Variants in UBE2E2 observed in about 807,000 individuals in gnomAD.
The protein encoded by UBE2E2 is ubiquitin conjugating enzyme E2 E2.
UBE2E2 carries 6 observed loss-of-function variants against 24.7 expected under a neutral mutation model. The ratio of observed to expected loss-of-function variants is 0.24; its 90% CI spans 0.13 to 0.48. The LOEUF (loss-of-function observed/expected upper bound fraction) is 0.48. Among genes scored for constraint, UBE2E2 ranks in the 20% least tolerant of loss-of-function variants. UBE2E2 has a pLI of 0.99. For synonymous variants in UBE2E2, 104 were observed against 83.6 expected, an observed-to-expected ratio of 1.24 and a Z score of -1.33; for missense variants, 169 against 245.0, an observed-to-expected ratio of 0.69 and a Z score of 2.07.
chr3:23,500,138 A>G (rs1033195834), intron 4 of UBE2E2, among the ~76,000 whole-genome samples: 1 of 152,208 alleles, frequency 6.6e-6, no homozygotes, highest in Non-Finnish European at 1.5e-5. Context: ...CTAAAGGCAG[A>G]GGAAGCCTTG....
chr3:23,356,992 A>G (rs536404630), intron 3 of UBE2E2, among the ~76,000 whole-genome samples: 26 of 152,332 alleles, frequency 1.7e-4, no homozygotes, highest in African/African-American at 5.5e-4. Context: ...TAGTTTAGCA[A>G]TCCAGACTGC....
chr3:23,437,253 C>T (rs1698205011), intron 3 of UBE2E2, among the ~76,000 whole-genome samples: 1 of 152,186 alleles, frequency 6.6e-6, no homozygotes, highest in African/African-American at 2.4e-5. Flanking sequence ...TTTTTCAGGT[C>T]TCATTGCAAC....
intron 5 of UBE2E2, among the ~76,000 whole-genome samples, chr3:23,544,303 A>G (rs1025991308): frequency 1.3e-5 from 2 of 152,224 alleles, no homozygotes; most frequent in African/African-American, 4.8e-5. Context: ...TTTGCATACT[A>G]TGCATCTGAC....
At chr3:23,223,883 C>T (rs1559445743) in intron 3 of UBE2E2, among the ~76,000 whole-genome samples, 1 of 152,102 alleles carries the variant, frequency 6.6e-6, no homozygotes, top group East Asian at 1.9e-4. Flanking sequence ...GTTTTCCCAG[C>T]ACCATTTATT....
chr3:23,445,266 C>T (rs1280665780), intron 3 of UBE2E2, among the ~76,000 whole-genome samples: 1 of 152,188 alleles, frequency 6.6e-6, no homozygotes, highest in East Asian at 1.9e-4. Context: ...AGACAACACA[C>T]ATGTTGACAT....
At chr3:23,364,710 C>G (rs1696210961) in intron 3 of UBE2E2, among the ~76,000 whole-genome samples, 1 of 152,190 alleles carries the variant, frequency 6.6e-6, no homozygotes, top group Non-Finnish European at 1.5e-5. Context: ...AAAGCTGGTA[C>G]TATTCCTACT....
At chr3:23,347,351 C>T in intron 3 of UBE2E2, among the ~76,000 whole-genome samples, 1 of 152,190 alleles carries the variant, frequency 6.6e-6, no homozygotes, top group East Asian at 1.9e-4. Context: ...GGCACATATA[C>T]ACCACGGAAT....
At chr3:23,490,583 G>A (rs1269741113) in intron 3 of UBE2E2, among the ~76,000 whole-genome samples, 4 of 152,016 alleles carry the variant, frequency 2.6e-5, no homozygotes, top group South Asian at 2.1e-4. Context: ...AAATATACAC[G>A]CACGTAACAC....
intron 3 of UBE2E2, among the ~76,000 whole-genome samples, chr3:23,454,437 C>T (rs932921598): frequency 3.3e-5 from 5 of 152,162 alleles, no homozygotes; most frequent in East Asian, 1.9e-4. Context: ...CATGTCTGAG[C>T]GCTTTCCATC....
chr3:23,357,395 ATGTGTG>A (rs550484561), intron 3 of UBE2E2, among the ~76,000 whole-genome samples: 5 of 150,942 alleles, frequency 3.3e-5, no homozygotes, highest in African/African-American at 1.2e-4. Flanking sequence ...GCCTGGAGAT[ATGTGTG>A]TGTGTGTGTG....
At chr3:23,315,060 T>C (rs1013188079) in intron 3 of UBE2E2, among the ~76,000 whole-genome samples, 2 of 152,214 alleles carry the variant, frequency 1.3e-5, no homozygotes, top group African/African-American at 4.8e-5. Context: ...TCTCTCTCTT[T>C]ACCTCCTCTT....
intron 3 of UBE2E2, among the ~76,000 whole-genome samples, chr3:23,404,453 C>T (rs1381448693): frequency 6.6e-6 from 1 of 152,138 alleles, no homozygotes; most frequent in African/African-American, 2.4e-5. Context: ...TCTTATCATT[C>T]TTTCTCAGAT....
intron 3 of UBE2E2, among the ~76,000 whole-genome samples, chr3:23,240,969 G>A (rs148636712): frequency 6.6e-6 from 1 of 152,110 alleles, no homozygotes; most frequent in African/African-American, 2.4e-5. Flanking sequence ...TTCTTAGGCT[G>A]TCTGTAAAAT....
At chr3:23,436,126 C>T (rs1438388429) in intron 3 of UBE2E2, among the ~76,000 whole-genome samples, 1 of 152,130 alleles carries the variant, frequency 6.6e-6, no homozygotes, top group Non-Finnish European at 1.5e-5. Flanking sequence ...CGGCCCAGTT[C>T]CTAACAGGCT....
intron 3 of UBE2E2, among the ~76,000 whole-genome samples, chr3:23,297,582 C>G (rs1455385778): frequency 6.6e-6 from 1 of 152,156 alleles, no homozygotes; most frequent in Non-Finnish European, 1.5e-5. Context: ...TTCCCCATTG[C>G]TTGTTTTTGT....
At chr3:23,370,795 A>G (rs1345583777) in intron 3 of UBE2E2, among the ~76,000 whole-genome samples, 19 of 152,312 alleles carry the variant, frequency 1.2e-4, no homozygotes, top group Admixed American at 1.2e-3. Context: ...GAAGGCTATC[A>G]AAGGACACCT....
intron 3 of UBE2E2, among the ~76,000 whole-genome samples, chr3:23,417,354 G>T (rs1161022729): frequency 1.3e-5 from 2 of 152,200 alleles, no homozygotes; most frequent in African/African-American, 4.8e-5. Flanking sequence ...TCCAGACCCT[G>T]TTTGCCTGGG....
At chr3:23,239,516 A>G (rs1697204193) in intron 3 of UBE2E2, among the ~76,000 whole-genome samples, 1 of 152,116 alleles carries the variant, frequency 6.6e-6, no homozygotes, top group Admixed American at 6.6e-5. Context: ...ATTTTGTATA[A>G]ATGGAATCAT....
At chr3:23,302,061 G>A (rs1160952927) in intron 3 of UBE2E2, among the ~76,000 whole-genome samples, 2 of 152,028 alleles carry the variant, frequency 1.3e-5, no homozygotes, top group African/African-American at 4.8e-5. Context: ...CTCCTTGTCA[G>A]TATAGCTCGT....
Sources: allele counts gnomAD v4.1 joint callset (sites outside exome capture counted in the v4.1 genomes callset), GRCh38; gene constraint gnomAD v4.1.1; transcripts MANE v1.5; gene names NCBI Gene and HGNC (gene_info 2026-07-23, HGNC 2026-07-21).